KIFC3: variants seen among roughly 807,000 people sequenced by gnomAD.
KIFC3 encodes the protein kinesin-like protein KIFC3.
A neutral mutation model predicts 101.8 loss-of-function variants in KIFC3; 60 were observed. The observed-to-expected ratio is 0.59, with a 90% CI of 0.48 to 0.73. The LOEUF is 0.73. Among genes scored for constraint, KIFC3 ranks in the 30% least tolerant of loss-of-function variants. KIFC3 has a pLI of 0.00. For missense variants in KIFC3, 966 were observed against 1,137.1 expected (o/e 0.85, Z 2.16); for synonymous variants, 476 against 482.7 (o/e 0.99, Z 0.18).
chr16:57,814,769 G>C (rs1181362972), intron 1 of KIFC3, among the ~76,000 whole-genome samples: 1 of 152,096 alleles, frequency 6.6e-6, no homozygotes, highest in Non-Finnish European at 1.5e-5. Context: ...GGGACTACAG[G>C]CATGCACCAA....
chr16:57,821,783 C>T (rs2055356360), intron 1 of KIFC3, among the ~76,000 whole-genome samples: 3 of 152,144 alleles, frequency 2.0e-5, no homozygotes, highest in African/African-American at 4.8e-5. Flanking sequence ...CATTGTGGCT[C>T]ATGCCTATAG....
chr16:57,775,661 T>C (rs2051954351), intron 3 of KIFC3: 13 of 985,464 alleles, frequency 1.3e-5, no homozygotes, highest in Non-Finnish European at 1.3e-5. Flanking sequence ...GCCGTCCATG[T>C]CTCTAAGCCC....
chr16:57,822,103 A>T (rs1167272342), intron 1 of KIFC3, among the ~76,000 whole-genome samples: 1 of 152,068 alleles, frequency 6.6e-6, no homozygotes, highest in African/African-American at 2.4e-5. Context: ...AAAAACTAAA[A>T]CAAAAAACTG....
At chr16:57,835,037 G>T (rs1555480112) in intron 1 of KIFC3, among the ~76,000 whole-genome samples, 1 of 152,186 alleles carries the variant, frequency 6.6e-6, no homozygotes, top group Admixed American at 6.5e-5. Context: ...CTGCTTTCTT[G>T]TGCTTTCCTC....
intron 1 of KIFC3, among the ~76,000 whole-genome samples, chr16:57,832,210 G>A (rs782075369): frequency 7.3e-5 from 11 of 151,384 alleles, no homozygotes; most frequent in African/African-American, 2.4e-4. Context: ...TGGTAGAGAC[G>A]GGGTTTCACC....
intron 3 of KIFC3, among the ~76,000 whole-genome samples, chr16:57,786,568 G>A (rs1555617828): frequency 1.1e-4 from 16 of 152,156 alleles, no homozygotes. Context: ...TCCCCTCAGG[G>A]AGCACCAAAT....
At position 57,769,943 on chromosome 16, in the gene KIFC3, C is replaced by T. The variant is rs148032158; in HGVS notation, c.952G>A (p.Glu318Lys). 474 of 1,612,510 alleles carry T rather than the reference C, an allele frequency of 2.9e-4. No homozygotes were observed. Among genetic ancestry groups the T allele is most frequent in the Non-Finnish European group, 3.7e-4 (437 of 1,179,988 alleles). Residue 318 changes from glutamate to lysine, a missense_variant, in exon 8 of 20, where the codon GAG (glutamate) becomes AAG (lysine). Glu to Lys is a moderately conservative substitution (Grantham distance 56). Coordinates refer to ENST00000445690, the MANE Select transcript of KIFC3 (RefSeq NM_001130100.2). This position sits in a 1 kb window ranked among gnomAD's most constrained non-coding sequence, Gnocchi z 4.3. Reference sequence around the variant, plus strand: ...CCATGGGCCCGCTCCAGCTCTGACTCGTACATGGCAATCTGGCCAGACCAG... The same window carrying T: ...CCATGGGCCCGCTCCAGCTCTGACTTGTACATGGCAATCTGGCCAGACCAG... ...ARLRAQIAMYESELERAHGQM... is the reference protein window; with the variant it reads ...ARLRAQIAMYKSELERAHGQM...
At chr16:57,850,162 G>A (rs2056019347) in intron 1 of KIFC3, among the ~76,000 whole-genome samples, 1 of 152,086 alleles carries the variant, frequency 6.6e-6, no homozygotes, top group African/African-American at 2.4e-5. Context: ...CACCTTGAGA[G>A]ACTGAGGCGG....
chr16:57,848,042 T>C (rs1269849436), intron 1 of KIFC3, among the ~76,000 whole-genome samples: 1 of 152,214 alleles, frequency 6.6e-6, no homozygotes, highest in East Asian at 1.9e-4. Flanking sequence ...TGCCGCAGCC[T>C]TCTAAAGTAC....
intron 9 of KIFC3, among the ~76,000 whole-genome samples, chr16:57,768,507 T>TCACACACACACA (rs1384372811): frequency 6.4e-4 from 8 of 12,572 alleles, no homozygotes; most frequent in Non-Finnish European, 1.7e-3. Context: ...TACCATATAT[T>TCACACACACACA]CTCACACACA....
At chr16:57,839,350 G>A (rs116997405) in intron 1 of KIFC3, among the ~76,000 whole-genome samples, 1,957 of 152,140 alleles carry the variant, frequency 0.013, 14 homozygotes, top group Non-Finnish European at 0.021. Flanking sequence ...GACTAGCCTG[G>A]GCAACATGGG....
intron 3 of KIFC3, among the ~76,000 whole-genome samples, chr16:57,783,896 G>A (rs569647010): frequency 6.6e-6 from 1 of 152,176 alleles, no homozygotes; most frequent in Non-Finnish European, 1.5e-5. Context: ...TGTCCTTCAG[G>A]GTGGGCCCTG....
intron 1 of KIFC3, among the ~76,000 whole-genome samples, chr16:57,827,429 G>A (rs1596805572): frequency 6.6e-6 from 1 of 152,268 alleles, no homozygotes; most frequent in East Asian, 1.9e-4. Context: ...ACCCAGGGCA[G>A]TTTCCACAAA....
chr16:57,850,470 T>G (rs897491934), intron 1 of KIFC3, among the ~76,000 whole-genome samples: 7 of 110,092 alleles, frequency 6.4e-5, no homozygotes, highest in South Asian at 3.5e-4. Flanking sequence ...AAAGGGTTTT[T>G]TTTTTTTTTT....
intron 1 of KIFC3, among the ~76,000 whole-genome samples, chr16:57,827,958 A>C (rs1176998920): frequency 3.9e-5 from 6 of 152,332 alleles, no homozygotes; most frequent in African/African-American, 1.2e-4. Context: ...CAACCCCTTG[A>C]GGGAAGTTCT....
At chr16:57,783,517 G>A (rs1223499761) in intron 3 of KIFC3, among the ~76,000 whole-genome samples, 3 of 139,490 alleles carry the variant, frequency 2.2e-5, no homozygotes, top group African/African-American at 8.5e-5. Context: ...TTGTTGCCCA[G>A]GCTGGAGTGC....
chr16:57,785,286 C>T (rs8058301), intron 3 of KIFC3: 5,107 of 189,934 alleles, frequency 0.027, 291 homozygotes, highest in African/African-American at 0.11. Flanking sequence ...AAAGCGCATC[C>T]TCCAGGATGG....
At position 57,769,720 on chromosome 16, in the gene KIFC3, G is replaced by A. The variant is rs782780629; in HGVS notation, c.1093C>T (p.Arg365Trp). 7 of 1,612,996 alleles carry A rather than the reference G, an allele frequency of 4.3e-6. No individual in the cohort carries two copies. The highest frequency in any genetic ancestry group is 2.2e-5 in the South Asian group (2 of 91,052). ...GGCTGCAAGGTCAGCAAGTTGGTCCGGACGCCTATGGGGACACTCGGGCTG... is the reference window on the plus strand; with the variant it reads ...GGCTGCAAGGTCAGCAAGTTGGTCCAGACGCCTATGGGGACACTCGGGCTG... ...KAVHENLAGVRTNLLTLQPAL... is the reference protein window; with the variant it reads ...KAVHENLAGVWTNLLTLQPAL... The change falls in exon 9 of 20, where the codon CGG becomes TGG. Residue 365 changes from arginine to tryptophan, a missense_variant. Arg to Trp is a moderately radical substitution (Grantham distance 101, BLOSUM62 -3). Around this residue, in one of 2 missense-constraint regions of KIFC3, gnomAD observed 689 missense variants for 884.6 expected, o/e 0.78. Transcript: ENST00000445690. This position sits in a 1 kb window ranked among gnomAD's most constrained non-coding sequence, Gnocchi z 4.3.
intron 3 of KIFC3, chr16:57,788,808 A>T (rs2053591964): frequency 8.4e-7 from 1 of 1,191,790 alleles, no homozygotes; most frequent in African/African-American, 1.6e-5. Context: ...GCTGGCAAGG[A>T]TCCCAGGGCC....
Sources: allele counts gnomAD v4.1 joint callset (sites outside exome capture counted in the v4.1 genomes callset), GRCh38; gene constraint gnomAD v4.1.1; regional missense constraint gnomAD v4.1.1; non-coding constraint Gnocchi (gnomAD v3.1); transcripts MANE v1.5; gene names NCBI Gene and HGNC (gene_info 2026-07-23, HGNC 2026-07-21).